CNTNAP2: variants seen among roughly 807,000 people sequenced by gnomAD.
CNTNAP2 encodes the protein contactin-associated protein-like 2.
A neutral mutation model predicts 155.2 loss-of-function variants in CNTNAP2; 98 were observed. The ratio of observed to expected loss-of-function variants is 0.63; its 90% CI spans 0.54 to 0.75. The LOEUF (loss-of-function observed/expected upper bound fraction) is 0.75. CNTNAP2 is among the 30% of genes least tolerant of loss of function. CNTNAP2 has a pLI of 0.00. For missense variants in CNTNAP2, 1,727 were observed against 1,688.1 expected (o/e 1.02, Z -0.40); for synonymous variants, 651 against 631.2 (o/e 1.03, Z -0.47).
At position 146,884,268 on chromosome 7, in the gene CNTNAP2, A is replaced by G. The variant is rs182140156; in HGVS notation, c.402+44364A>G. Among the ~76,000 whole-genome samples the G allele has an allele frequency of 8.3e-4, 126 of 152,256 alleles. 2 individuals carry two copies. Among genetic ancestry groups the G allele is most frequent in the Middle Eastern group, 6.8e-3 (2 of 292 alleles). On this transcript the variant is annotated intron_variant, in intron 3 of 23. Transcript: ENST00000361727. ...CCACGTTTGGTTGAAAAAAATTTGC[A>G]TATAAGTGGACCTGCACAGTTCAAA...
intron 3 of CNTNAP2, among the ~76,000 whole-genome samples, chr7:146,939,525 G>C (rs1277132840): frequency 6.6e-6 from 1 of 152,132 alleles, no homozygotes; most frequent in African/African-American, 2.4e-5. Flanking sequence ...TATCTATTTA[G>C]AAGCACTGCA....
intron 9 of CNTNAP2, among the ~76,000 whole-genome samples, chr7:147,368,164 A>G (rs1388120708): frequency 1.3e-5 from 2 of 150,448 alleles, no homozygotes; most frequent in Non-Finnish European, 3.0e-5. Flanking sequence ...GTATCATGCC[A>G]GAATCCCTAA....
At chr7:146,471,032 A>C (rs976164005) in intron 1 of CNTNAP2, among the ~76,000 whole-genome samples, 1 of 152,210 alleles carries the variant, frequency 6.6e-6, no homozygotes, top group African/African-American at 2.4e-5. Context: ...CGATACTTAC[A>C]TGGGTTAATA....
At chr7:146,879,877 C>G (rs1160602214) in intron 3 of CNTNAP2, among the ~76,000 whole-genome samples, 5 of 152,036 alleles carry the variant, frequency 3.3e-5, no homozygotes. Context: ...GCTCACAGTT[C>G]CACGTGGCTG....
intron 10 of CNTNAP2, among the ~76,000 whole-genome samples, chr7:147,449,371 C>T (rs1018463894): frequency 6.6e-6 from 1 of 152,108 alleles, no homozygotes; most frequent in South Asian, 2.1e-4. Context: ...TGGGGCCTCA[C>T]TATGCAAATC....
chr7:146,359,731 A>T (rs1795054684), intron 1 of CNTNAP2, among the ~76,000 whole-genome samples: 1 of 152,190 alleles, frequency 6.6e-6, no homozygotes, highest in East Asian at 1.9e-4. Flanking sequence ...ATGAGCTTAA[A>T]TTCAAAAGTA....
chr7:147,465,794 A>G (rs1376434799), intron 10 of CNTNAP2, among the ~76,000 whole-genome samples: 2 of 152,186 alleles, frequency 1.3e-5, no homozygotes, highest in African/African-American at 4.8e-5. Flanking sequence ...ATCATATGCT[A>G]ATTGAATGTC....
rs1283749935 is a variant in CNTNAP2, at chr7:146,272,432, A to G, written c.97+155459A>G. On this transcript the variant is annotated intron_variant, in intron 1 of 23. Coordinates refer to ENST00000361727, the MANE Select transcript of CNTNAP2 (RefSeq NM_014141.6). ...ACCCATATTACATTGCAACACTGTTATTCTCCTTTCTCCAATTGGCTACAT... is the reference window on the plus strand; with the variant it reads ...ACCCATATTACATTGCAACACTGTTGTTCTCCTTTCTCCAATTGGCTACAT... Among the ~76,000 whole-genome samples the G allele has an allele frequency of 2.6e-5, 4 of 152,156 alleles. No homozygotes were observed. In the East Asian group the frequency reaches 5.8e-4, roughly 22 times the overall value.
chr7:147,611,806 G>T (rs1801191818), intron 12 of CNTNAP2, among the ~76,000 whole-genome samples: 1 of 152,090 alleles, frequency 6.6e-6, no homozygotes, highest in South Asian at 2.1e-4. Context: ...ATACATAGCT[G>T]GCATTATGGA....
rs879933241 is a variant in CNTNAP2, at chr7:148,418,818, C to T, written c.*3202C>T. 5.3e-5 allele frequency: 8 copies of T among 152,192 alleles called. No individual in the cohort carries two copies. The highest frequency in any genetic ancestry group is 1.3e-4 in the Admixed American group (2 of 15,270). 9.4% of individuals were successfully genotyped at this position (152,192 alleles called of 1,614,324 possible). The stretch of plus-strand genomic sequence containing the variant: ...TAGAGAGCCATTCCTAGAAAATGTC[C>T]TACTGCCCTGCATTTGACAAACAAG... On this transcript the variant is annotated 3_prime_UTR_variant, in exon 24 of 24. Transcript: ENST00000361727.
chr7:147,366,420 A>T (rs1166555569), intron 9 of CNTNAP2, among the ~76,000 whole-genome samples: 3 of 151,918 alleles, frequency 2.0e-5, no homozygotes, highest in African/African-American at 7.2e-5. Flanking sequence ...CATAAAATCT[A>T]ATTTTCTCAT....
intron 13 of CNTNAP2, among the ~76,000 whole-genome samples, chr7:147,779,181 A>G (rs772456471): frequency 1.3e-5 from 2 of 152,194 alleles, no homozygotes; most frequent in Non-Finnish European, 2.9e-5. Context: ...AGCTGCTATA[A>G]TTTTCAGAAC....
chr7:147,255,480 C>T (rs1804301297), intron 8 of CNTNAP2, among the ~76,000 whole-genome samples: 1 of 152,050 alleles, frequency 6.6e-6, no homozygotes, highest in Non-Finnish European at 1.5e-5. Flanking sequence ...CCTTGGCCTC[C>T]CAAAGTGCTG....
rs1800012571 is a variant in CNTNAP2 at position 148,417,160 on chromosome 7, A to C, written c.*1544A>C. ...ATCACTTTTTCCTTCTTTGCCTGGG[A>C]GAGGTTAAGAGGAGGTTTCGAAGGT... On this transcript the variant is annotated 3_prime_UTR_variant, in exon 24 of 24. Transcript: ENST00000361727. The C allele has an allele frequency of 6.6e-6, 1 of 152,140 alleles. No homozygotes were observed. 9.4% of individuals were successfully genotyped at this position (152,140 alleles called of 1,614,324 possible).
chr7:148,226,474 A>C (rs12532590), intron 19 of CNTNAP2, among the ~76,000 whole-genome samples: 78,926 of 151,892 alleles, frequency 0.52, 21,880 homozygotes, highest in Non-Finnish European at 0.64. Flanking sequence ...CCAAGGAACG[A>C]CCGTCTCCCA....
chr7:146,934,433 G>A (rs998738306), intron 3 of CNTNAP2, among the ~76,000 whole-genome samples: 1 of 129,960 alleles, frequency 7.7e-6, no homozygotes, highest in Non-Finnish European at 1.6e-5. Context: ...ACACTCCGTG[G>A]CCTGTTGTGG....
chr7:146,644,402 A>G (rs1396551480), intron 1 of CNTNAP2, among the ~76,000 whole-genome samples: 2 of 152,150 alleles, frequency 1.3e-5, no homozygotes, highest in Non-Finnish European at 2.9e-5. Flanking sequence ...TTCTGCATCT[A>G]TTGAGATAAT....
At chr7:147,587,804 T>TA (rs946860357) in intron 12 of CNTNAP2, among the ~76,000 whole-genome samples, 1 of 152,186 alleles carries the variant, frequency 6.6e-6, no homozygotes, top group African/African-American at 2.4e-5. Flanking sequence ...CATTTGTTTT[T>TA]AAAAATACTT....
intron 15 of CNTNAP2, among the ~76,000 whole-genome samples, chr7:148,024,871 C>A (rs1383948920): frequency 1.3e-5 from 2 of 152,180 alleles, no homozygotes; most frequent in Non-Finnish European, 2.9e-5. Flanking sequence ...GACTGAACTT[C>A]ATGTCTCACA....
Sources: allele counts gnomAD v4.1 joint callset (sites outside exome capture counted in the v4.1 genomes callset), GRCh38; gene constraint gnomAD v4.1.1; transcripts MANE v1.5; gene names NCBI Gene and HGNC (gene_info 2026-07-23, HGNC 2026-07-21).